Variants in PCDHGB3 observed in about 807,000 individuals in gnomAD.
PCDHGB3 encodes the protein protocadherin gamma-B3.
Under a neutral mutation model 59.2 loss-of-function variants are expected in PCDHGB3, and 40 were observed. The ratio of observed to expected loss-of-function variants is 0.68; its 90% confidence interval spans 0.52 to 0.88. The LOEUF (loss-of-function observed/expected upper bound fraction) is 0.88. Ranked by LOEUF, PCDHGB3 falls within the 40% of genes least tolerant of loss-of-function variation. PCDHGB3 has a pLI of 0.00. For synonymous variants in PCDHGB3, 581 were observed against 503.6 expected, an observed-to-expected ratio of 1.15 and a Z score of -2.06; for missense variants, 1,309 against 1,187.9, an observed-to-expected ratio of 1.10 and a Z score of -1.50.
At chr5:141,492,587 C>G (rs2154587748) in intron 1 of PCDHGB3, among the ~76,000 whole-genome samples, 1 of 152,314 alleles carries the variant, frequency 6.6e-6, no homozygotes, top group African/African-American at 2.4e-5. Flanking sequence ...GGGCCAGGAG[C>G]GCTGGAGCGA....
chr5:141,431,127 T>C lies in PCDHGB3; in HGVS notation c.2415+58318T>C, dbSNP rs1455709617. ...AAAATATATGGAGTAGAAGTAGAAG[T>C]AAGGGACATTAACGACAATGCGCCT... On this transcript the variant is annotated intron_variant, in intron 1 of 3. Transcript: ENST00000576222. This position sits in a 1 kb window ranked among gnomAD's most constrained non-coding sequence, Gnocchi z 4.8. 1 of 1,614,176 alleles carries C rather than the reference T, an allele frequency of 6.2e-7. No individual in the cohort carries two copies. Among genetic ancestry groups the C allele is most frequent in the East Asian group, 2.2e-5 (1 of 44,878 alleles).
At chr5:141,382,022 T>C (rs1330641881) in intron 1 of PCDHGB3, among the ~76,000 whole-genome samples, 1 of 151,530 alleles carries the variant, frequency 6.6e-6, no homozygotes, top group Non-Finnish European at 1.5e-5. Context: ...AGAGACGGGG[T>C]TTCTCCATGT....
intron 1 of PCDHGB3, chr5:141,382,815 C>T (rs1166972077): frequency 5.6e-6 from 7 of 1,260,548 alleles, no homozygotes; most frequent in Non-Finnish European, 7.7e-6. Flanking sequence ...GCTCCCCTTC[C>T]TAAGACAGAG....
In PCDHGB3 at chr5:141,432,897, C is replaced by A. The variant is rs780142081; in HGVS notation, c.2415+60088C>A. 1.2e-6 allele frequency: 2 copies of A among 1,614,178 alleles called. No individual in the cohort carries two copies. Among genetic ancestry groups the A allele is most frequent in the Non-Finnish European group, 1.7e-6 (2 of 1,180,010 alleles). On this transcript the variant is annotated intron_variant, in intron 1 of 3. Coordinates refer to ENST00000576222, the MANE Select transcript of PCDHGB3 (RefSeq NM_018924.5). The surrounding 1 kb of genome is among the most constrained non-coding windows in gnomAD (Gnocchi z 6.0). ...CTGGCCTTCGTCATCTTGCTGCTGGCGCTCAGGCTGCGGCGCTGGCACAAG... is the reference window on the plus strand; with the variant it reads ...CTGGCCTTCGTCATCTTGCTGCTGGAGCTCAGGCTGCGGCGCTGGCACAAG...
chr5:141,446,821 T>G (rs183143971), intron 1 of PCDHGB3, among the ~76,000 whole-genome samples: 2 of 152,184 alleles, frequency 1.3e-5, no homozygotes, highest in South Asian at 4.1e-4. Context: ...GTCAGATGGG[T>G]AGATCCTTAT....
At chr5:141,453,909 T>C (rs1484310834) in intron 1 of PCDHGB3, among the ~76,000 whole-genome samples, 1 of 152,236 alleles carries the variant, frequency 6.6e-6, no homozygotes, top group Non-Finnish European at 1.5e-5. Flanking sequence ...TTTCAAAGTA[T>C]GTCAGTGATC....
At chr5:141,394,288 C>T in intron 1 of PCDHGB3, 1 of 1,613,944 alleles carries the variant, frequency 6.2e-7, no homozygotes, top group Non-Finnish European at 8.5e-7. Flanking sequence ...TACTCTGTGA[C>T]CGAGGACACG....
intron 1 of PCDHGB3, chr5:141,393,454 C>A: frequency 1.2e-6 from 2 of 1,614,046 alleles, no homozygotes; most frequent in South Asian, 1.1e-5. Context: ...GTCCTCACGG[C>A]CTCGGATGGC....
rs369354938 is a variant in PCDHGB3, at chr5:141,404,125, T to C, written c.2415+31316T>C. 7.5e-4 allele frequency: 1,204 copies of C among 1,613,214 alleles called. 1 individual carries two copies. The highest frequency in any genetic ancestry group is 8.4e-4 in the Non-Finnish European group (986 of 1,179,494). On this transcript the variant is annotated intron_variant, in intron 1 of 3. Coordinates refer to ENST00000576222, the MANE Select transcript of PCDHGB3 (RefSeq NM_018924.5). Reference sequence around the variant, plus strand: ...TCTGTTCTATCCAGGAGAATCTATCTTTTACATTAGAAAATTCAGAAGAAG... The same window carrying C: ...TCTGTTCTATCCAGGAGAATCTATCCTTTACATTAGAAAATTCAGAAGAAG...
At chr5:141,399,854 GC>G (rs1416380474) in intron 1 of PCDHGB3, 1 of 1,612,786 alleles carries the variant, frequency 6.2e-7, no homozygotes, top group Admixed American at 1.7e-5. Context: ...ATGGTGCCGC[GC>G]GCTGCAGAGC....
At chr5:141,453,311 A>C (rs2098762053) in intron 1 of PCDHGB3, among the ~76,000 whole-genome samples, 1 of 151,602 alleles carries the variant, frequency 6.6e-6, no homozygotes, top group African/African-American at 2.4e-5. Flanking sequence ...TTATTTATTT[A>C]TTTTAGAGAT....
At chr5:141,495,257 A>T (rs1411983517) in intron 2 of PCDHGB3, among the ~76,000 whole-genome samples, 1 of 152,200 alleles carries the variant, frequency 6.6e-6, no homozygotes, top group Non-Finnish European at 1.5e-5. Context: ...CTCAGGCAGA[A>T]AAGCATTTGA....
At chr5:141,376,087 C>T in intron 1 of PCDHGB3, 3 of 1,613,656 alleles carry the variant, frequency 1.9e-6, no homozygotes, top group Non-Finnish European at 2.5e-6. Flanking sequence ...CCGACAGGAT[C>T]CCCGACATCC....
Position 141,485,954 on chromosome 5 carries a change from C to T in PCDHGB3, c.2416-8853C>T, listed in dbSNP as rs2154580519. The T allele has an allele frequency of 6.2e-7, 1 of 1,614,190 alleles. No individual in the cohort carries two copies. The highest frequency in any genetic ancestry group is 8.5e-7 in the Non-Finnish European group (1 of 1,180,038). ...GGAGAGCGCACCAGCGGGCATGGTG[C>T]TCATCCAGCTCAATGCCTCAGACCC... On this transcript the variant is annotated intron_variant, in intron 1 of 3. Coordinates refer to ENST00000576222, the MANE Select transcript of PCDHGB3 (RefSeq NM_018924.5). The surrounding 1 kb of genome is among the most constrained non-coding windows in gnomAD (Gnocchi z 5.7).
intron 1 of PCDHGB3, chr5:141,389,844 G>C: frequency 6.2e-7 from 1 of 1,614,014 alleles, no homozygotes; most frequent in Non-Finnish European, 8.5e-7. Flanking sequence ...ACCACTCTCG[G>C]CCACTGCCAC....
At chr5:141,468,755 A>G (rs918829539) in intron 1 of PCDHGB3, among the ~76,000 whole-genome samples, 3 of 151,976 alleles carry the variant, frequency 2.0e-5, no homozygotes, top group African/African-American at 7.2e-5. Flanking sequence ...AGTCCCAGCT[A>G]CTCGGGAGGC....
In PCDHGB3 at chr5:141,432,872, C is replaced by G; in HGVS notation, c.2415+60063C>G. 4 of 1,614,192 alleles carry G rather than the reference C, an allele frequency of 2.5e-6. No individual in the cohort carries two copies. The highest frequency in any genetic ancestry group is 3.4e-6 in the Non-Finnish European group (4 of 1,180,018). ...GGTGGCCGCGGTCTCCTGCGTCTTCCTGGCCTTCGTCATCTTGCTGCTGGC... is the reference window on the plus strand; with the variant it reads ...GGTGGCCGCGGTCTCCTGCGTCTTCGTGGCCTTCGTCATCTTGCTGCTGGC... On this transcript the variant is annotated intron_variant, in intron 1 of 3. Coordinates refer to ENST00000576222, the MANE Select transcript of PCDHGB3 (RefSeq NM_018924.5). The surrounding 1 kb of genome is among the most constrained non-coding windows in gnomAD (Gnocchi z 6.0).
At chr5:141,375,529 C>A (rs370346410) in intron 1 of PCDHGB3, 3 of 1,614,026 alleles carry the variant, frequency 1.9e-6, no homozygotes, top group African/African-American at 1.3e-5. Flanking sequence ...CTGACGTGGA[C>A]CAGAACGCCC....
intron 1 of PCDHGB3, chr5:141,375,345 C>T (rs749825552): frequency 5.0e-6 from 8 of 1,613,858 alleles, no homozygotes; most frequent in South Asian, 4.4e-5. Flanking sequence ...TACAACATCA[C>T]TGTGACAGCC....
Sources: allele counts gnomAD v4.1 joint callset (sites outside exome capture counted in the v4.1 genomes callset), GRCh38; gene constraint gnomAD v4.1.1; non-coding constraint Gnocchi (gnomAD v3.1); transcripts MANE v1.5; gene names NCBI Gene and HGNC (gene_info 2026-07-23, HGNC 2026-07-21).